ARID4B: variants seen among roughly 807,000 people sequenced by gnomAD.
ARID4B encodes the protein AT-rich interaction domain 4B.
A neutral mutation model predicts 147.5 loss-of-function variants in ARID4B; 26 were observed. The observed-to-expected ratio is 0.18, with a 90% CI of 0.13 to 0.24. The LOEUF is 0.24. Among genes scored for constraint, ARID4B ranks in the 10% least tolerant of loss-of-function variants. The probability of loss-of-function intolerance (pLI) is 1.00; values close to 1 mark genes in which losing one functional copy is unlikely to be tolerated. For missense variants in ARID4B, 1,179 were observed against 1,511.5 expected (o/e 0.78, Z 3.65); for synonymous variants, 512 against 507.9 (o/e 1.01, Z -0.11).
intron 9 of ARID4B, among the ~76,000 whole-genome samples, chr1:235,232,280 T>C (rs138755456): frequency 0.2 from 30,054 of 150,180 alleles, 4,550 homozygotes; most frequent in African/African-American, 0.43. Flanking sequence ...ATTAGCTGGG[T>C]GTGGTGGTGC....
At chr1:235,211,855 G>A (rs1467231577) in intron 17 of ARID4B, among the ~76,000 whole-genome samples, 1 of 152,148 alleles carries the variant, frequency 6.6e-6, no homozygotes, top group Non-Finnish European at 1.5e-5. Context: ...ATGACTAGAA[G>A]TAAAAAATTG....
chr1:235,323,732 C>T (rs1266167425), intron 2 of ARID4B, among the ~76,000 whole-genome samples: 1 of 150,620 alleles, frequency 6.6e-6, no homozygotes, highest in African/African-American at 2.4e-5. Context: ...TGCAGTGAGC[C>T]GAGATCGCAC....
chr1:235,255,300 T>TATAC (rs1553304448), intron 5 of ARID4B, among the ~76,000 whole-genome samples: 11 of 150,528 alleles, frequency 7.3e-5, no homozygotes, highest in South Asian at 2.1e-4. Flanking sequence ...TATATATATA[T>TATAC]ACACAGTTAA....
chr1:235,275,041 C>A (rs1171523957), intron 2 of ARID4B, among the ~76,000 whole-genome samples: 2 of 151,748 alleles, frequency 1.3e-5, no homozygotes, highest in African/African-American at 2.4e-5. Flanking sequence ...GCAGACCGCT[C>A]TGCCTATTCA....
chr1:235,267,197 G>A (rs1463131103), intron 2 of ARID4B, among the ~76,000 whole-genome samples: 1 of 152,172 alleles, frequency 6.6e-6, no homozygotes, highest in Non-Finnish European at 1.5e-5. Flanking sequence ...AGGATCGCTA[G>A]AGCTCAGGAA....
chr1:235,196,642 A>C (rs1436535665), intron 17 of ARID4B, among the ~76,000 whole-genome samples: 1 of 152,086 alleles, frequency 6.6e-6, no homozygotes, highest in African/African-American at 2.4e-5. Flanking sequence ...TCACGAAGTC[A>C]GGAGATCAAG....
At chr1:235,199,468 ATT>A (rs1167063468) in intron 17 of ARID4B, among the ~76,000 whole-genome samples, 1 of 152,216 alleles carries the variant, frequency 6.6e-6, no homozygotes, top group African/African-American at 2.4e-5. Context: ...TATCTTAAAA[ATT>A]TATCAGGGCC....
chr1:235,292,106 G>C (rs138956492), intron 2 of ARID4B, among the ~76,000 whole-genome samples: 1,931 of 152,232 alleles, frequency 0.013, 20 homozygotes, highest in Middle Eastern at 0.041. Context: ...TAATAATACA[G>C]ATACAACTTA....
intron 8 of ARID4B, among the ~76,000 whole-genome samples, chr1:235,235,466 A>G (rs1186791298): frequency 6.6e-6 from 1 of 152,220 alleles, no homozygotes; most frequent in Non-Finnish European, 1.5e-5. Context: ...AAAACTGCAC[A>G]TGTGATAGCT....
At chr1:235,268,108 G>A (rs1488033424) in intron 2 of ARID4B, among the ~76,000 whole-genome samples, 3 of 152,218 alleles carry the variant, frequency 2.0e-5, no homozygotes, top group African/African-American at 7.2e-5. Context: ...GCAGTCCTGT[G>A]GCGGAGGACA....
intron 2 of ARID4B, among the ~76,000 whole-genome samples, chr1:235,298,672 T>C (rs1306918684): frequency 6.6e-6 from 1 of 151,862 alleles, no homozygotes; most frequent in Non-Finnish European, 1.5e-5. Flanking sequence ...AATATTTGTT[T>C]AGCAGAATTG....
At chr1:235,261,915 G>A (rs1670316564) in intron 2 of ARID4B, among the ~76,000 whole-genome samples, 1 of 152,194 alleles carries the variant, frequency 6.6e-6, no homozygotes, top group African/African-American at 2.4e-5. Context: ...AAGGAGGCAG[G>A]AGTTGGGGGA....
At chr1:235,279,763 T>A (rs761571668) in intron 2 of ARID4B, among the ~76,000 whole-genome samples, 1 of 152,206 alleles carries the variant, frequency 6.6e-6, no homozygotes, top group Non-Finnish European at 1.5e-5. Context: ...GCTTTCATTA[T>A]CAGAGTCTAG....
chr1:235,327,824 C>G lies in ARID4B; in HGVS notation c.-105G>C, dbSNP rs1338701048. 2 of 152,732 alleles carry G rather than the reference C, an allele frequency of 1.3e-5. No individual in the cohort carries two copies. Among genetic ancestry groups the G allele is most frequent in the African/African-American group, 2.4e-5 (1 of 41,570 alleles). The allele number at this position is 152,732 out of a possible 1,614,324, so 9.5% of individuals were successfully genotyped here. A position where few individuals can be genotyped will look rare whatever the true frequency, so the allele number is the denominator to read the frequency against. The stretch of plus-strand genomic sequence containing the variant: ...CGTCCAGAGTCCCCTCTCTCCTTCT[C>G]CCCCCCAAAACCAGCAGGCCCGGGG... On this transcript the variant is annotated 5_prime_UTR_variant, in exon 1 of 24. Transcript: ENST00000264183.
At chr1:235,221,988 C>G (rs1206236029) in intron 13 of ARID4B, among the ~76,000 whole-genome samples, 1 of 140,228 alleles carries the variant, frequency 7.1e-6, no homozygotes, top group Non-Finnish European at 1.5e-5. Flanking sequence ...CAGCTCACTG[C>G]AGCCCTGAAC....
At chr1:235,262,156 A>C (rs575901315) in intron 2 of ARID4B, among the ~76,000 whole-genome samples, 21 of 115,278 alleles carry the variant, frequency 1.8e-4, no homozygotes, top group African/African-American at 7.5e-4. Flanking sequence ...TAAATAATGA[A>C]AGAATAATTT....
intron 2 of ARID4B, among the ~76,000 whole-genome samples, chr1:235,291,578 T>C (rs966179580): frequency 6.6e-6 from 1 of 151,254 alleles, no homozygotes; most frequent in Non-Finnish European, 1.5e-5. Context: ...CTCATACCTG[T>C]TAATTCCAGC....
In ARID4B at chr1:235,220,440, T is replaced by A; in HGVS notation, c.1269A>T (p.Val423=). The A allele has an allele frequency of 6.2e-7, 1 of 1,612,938 alleles. No homozygotes were observed. The highest frequency in any genetic ancestry group is 1.1e-5 in the South Asian group (1 of 91,030). The change falls in exon 15 of 24, where the codon GTA becomes GTT. Residue 423 remains valine (V), a synonymous_variant. Coordinates refer to ENST00000264183, the MANE Select transcript of ARID4B (RefSeq NM_016374.6). ...TTTCCTCCTTAACTTTTATTTCTTT[T>A]ACATTTTCACACTCCTTACATTGCT... The part of the protein sequence containing the change: ...VNKQCKECEN[V]KEIKVKEENE...
chr1:235,197,186 A>T (rs892104062), intron 17 of ARID4B, among the ~76,000 whole-genome samples: 6 of 152,192 alleles, frequency 3.9e-5, no homozygotes, highest in South Asian at 4.1e-4. Flanking sequence ...CAGCTAGAAG[A>T]AGTAAACATT....
Sources: gnomAD v4.1 joint callset for allele counts (sites outside exome capture counted in the v4.1 genomes callset) on GRCh38, gnomAD v4.1.1 for gene constraint, MANE v1.5 for transcripts, NCBI Gene and HGNC (gene_info 2026-07-23, HGNC 2026-07-21) for gene names.